KBTBD12: variants seen among roughly 807,000 people sequenced by gnomAD.
The protein encoded by KBTBD12 is kelch repeat and BTB domain-containing protein 12.
In KBTBD12, 53 loss-of-function variants were observed where a neutral mutation model predicts 58.7. The observed-to-expected ratio is 0.90, with a 90% confidence interval of 0.72 to 1.14. The LOEUF (loss-of-function observed/expected upper bound fraction) is 1.14, where lower values mean the gene tolerates loss of function less well. Ranked by LOEUF, KBTBD12 falls within the 50% of genes most tolerant of loss-of-function variation. The pLI is 0.00. For missense variants in KBTBD12, 704 were observed against 751.3 expected (o/e 0.94, Z 0.74); for synonymous variants, 236 against 259.8 (o/e 0.91, Z 0.88).
chr3:127,927,032 T>C (rs980555621), intron 2 of KBTBD12, among the ~76,000 whole-genome samples: 1 of 152,114 alleles, frequency 6.6e-6, no homozygotes, highest in Non-Finnish European at 1.5e-5. Flanking sequence ...CAATGCCCCA[T>C]CACACACATA....
intron 4 of KBTBD12, among the ~76,000 whole-genome samples, chr3:127,951,605 C>G (rs1940204780): frequency 6.6e-6 from 1 of 152,160 alleles, no homozygotes; most frequent in Non-Finnish European, 1.5e-5. Flanking sequence ...CTTGTCATGG[C>G]TCGGGAACAA....
At chr3:127,941,683 C>T (rs889744379) in intron 4 of KBTBD12, among the ~76,000 whole-genome samples, 14 of 152,274 alleles carry the variant, frequency 9.2e-5, no homozygotes, top group African/African-American at 9.6e-5. Flanking sequence ...ATCTCCCAGA[C>T]GGAATCTTTC....
chr3:127,975,234 C>G (rs115671261), intron 5 of KBTBD12, among the ~76,000 whole-genome samples: 2,345 of 152,214 alleles, frequency 0.015, 52 homozygotes, highest in African/African-American at 0.052. Flanking sequence ...AGTTGTCTCA[C>G]CCAAAGGGTG....
chr3:127,982,589 G>A (rs185618036), intron 5 of KBTBD12, among the ~76,000 whole-genome samples: 4 of 152,298 alleles, frequency 2.6e-5, no homozygotes, highest in African/African-American at 9.6e-5. Flanking sequence ...GGATCTGTGA[G>A]GATAAGAAAA....
chr3:127,915,237 G>A lies in KBTBD12; in HGVS notation c.-462G>A, dbSNP rs1254174418. ...GCGTTCCGCGGGGGACGCTCAGTAG[G>A]GTACGGGACGCGCGCGGGGAGACCC... On this transcript the variant is annotated 5_prime_UTR_variant, in exon 1 of 6. Coordinates refer to ENST00000405109, the MANE Select transcript of KBTBD12 (RefSeq NM_207335.4). The A allele has an allele frequency of 6.6e-6, 1 of 152,254 alleles. No individual in the cohort carries two copies. The highest frequency in any genetic ancestry group is 2.4e-5 in the African/African-American group (1 of 41,452). 9.4% of individuals were successfully genotyped at this position (152,254 alleles called of 1,614,324 possible).
intron 4 of KBTBD12, among the ~76,000 whole-genome samples, chr3:127,938,072 G>A (rs1486889013): frequency 6.6e-6 from 1 of 152,088 alleles, no homozygotes; most frequent in African/African-American, 2.4e-5. Context: ...AGCAAAAAAT[G>A]TGATCCCAGA....
intron 5 of KBTBD12, among the ~76,000 whole-genome samples, chr3:127,971,298 G>T (rs770109957): frequency 5.9e-5 from 9 of 152,176 alleles, no homozygotes; most frequent in Admixed American, 1.3e-4. Flanking sequence ...GACCCTGTGG[G>T]CTTGGACAGA....
Position 127,985,021 on chromosome 3 carries a change from G to C in KBTBD12, c.*743G>C, listed in dbSNP as rs893389773. ...ACTCAAGCCAGACCACAGTGGCCAAGAATCCTGCCCTGGGCTGACTCTGTC... is the reference window on the plus strand; with the variant it reads ...ACTCAAGCCAGACCACAGTGGCCAACAATCCTGCCCTGGGCTGACTCTGTC... On this transcript the variant is annotated 3_prime_UTR_variant, in exon 6 of 6. Transcript: ENST00000405109. 6.6e-6 allele frequency: 1 copy of C among 152,386 alleles called. No individual in the cohort carries two copies. Among genetic ancestry groups the C allele is most frequent in the African/African-American group, 2.4e-5 (1 of 41,462 alleles). 9.4% of individuals were successfully genotyped at this position (152,386 alleles called of 1,614,324 possible).
Position 127,922,938 on chromosome 3 carries a change from T to C in KBTBD12, c.-112-12T>C. 1 of 614,262 alleles carries C rather than the reference T, an allele frequency of 1.6e-6. No individual in the cohort carries two copies. The allele number at this position is 614,262 out of a possible 1,614,324, so 38.1% of individuals were successfully genotyped here. A position where few individuals can be genotyped will look rare whatever the true frequency, so the allele number is the denominator to read the frequency against. On this transcript the variant is annotated splice_polypyrimidine_tract_variant and intron_variant, in intron 1 of 5. Coordinates refer to ENST00000405109, the MANE Select transcript of KBTBD12 (RefSeq NM_207335.4). ...TTTCTTAGAAGGAAACTGCCTTTTT[T>C]CTTTCCCTTAGAAATGTTTCCTGAC... is the stretch of plus-strand genomic sequence containing the variant.
chr3:127,919,785 A>AAT (rs137987579), intron 1 of KBTBD12, among the ~76,000 whole-genome samples: 2,568 of 150,776 alleles, frequency 0.017, 61 homozygotes, highest in African/African-American at 0.056. Flanking sequence ...CTCTCTCTCT[A>AAT]ATATATATAT....
chr3:127,921,775 C>T (rs926189987), intron 1 of KBTBD12, among the ~76,000 whole-genome samples: 2 of 152,078 alleles, frequency 1.3e-5, no homozygotes, highest in Non-Finnish European at 2.9e-5. Flanking sequence ...CAAACTGCAT[C>T]CAAGCAAAAT....
At chr3:127,944,820 T>A (rs962530117) in intron 4 of KBTBD12, among the ~76,000 whole-genome samples, 2 of 152,174 alleles carry the variant, frequency 1.3e-5, no homozygotes, top group Non-Finnish European at 2.9e-5. Context: ...AAATGGCCTT[T>A]ACTGTACTGG....
intron 1 of KBTBD12, among the ~76,000 whole-genome samples, chr3:127,921,365 T>C (rs1457808027): frequency 6.6e-6 from 1 of 152,162 alleles, no homozygotes; most frequent in Non-Finnish European, 1.5e-5. Flanking sequence ...CATTTATTGA[T>C]CATTTGGATG....
At chr3:127,970,082 G>C (rs1186275924) in intron 5 of KBTBD12, among the ~76,000 whole-genome samples, 1 of 152,122 alleles carries the variant, frequency 6.6e-6, no homozygotes, top group Non-Finnish European at 1.5e-5. Flanking sequence ...AATACATTAA[G>C]AAATCTTATA....
intron 1 of KBTBD12, among the ~76,000 whole-genome samples, chr3:127,921,540 T>C (rs1275174484): frequency 6.6e-6 from 1 of 152,094 alleles, no homozygotes; most frequent in Non-Finnish European, 1.5e-5. Flanking sequence ...CTGAGAATGT[T>C]TTTTTGAGGT....
At chr3:127,934,325 G>A (rs1177540178) in intron 4 of KBTBD12, among the ~76,000 whole-genome samples, 1 of 152,094 alleles carries the variant, frequency 6.6e-6, no homozygotes. Flanking sequence ...ATGCCCTGAA[G>A]GGGCTCAGGA....
At position 127,920,300 on chromosome 3, in the gene KBTBD12, G is replaced by T. The variant is rs1939367238; in HGVS notation, c.-112-2650G>T. Among the ~76,000 whole-genome samples, 3 of 151,874 alleles carry T rather than the reference G, an allele frequency of 2.0e-5. No homozygotes were observed. The South Asian group carries it at 6.3e-4, about 32-fold the overall frequency. ...TGCTTTGCATATTAGAAATATATCA[G>T]TGGTATGTGGCATGTATATTCTACA... is the stretch of plus-strand genomic sequence containing the variant. On this transcript the variant is annotated intron_variant, in intron 1 of 5. Coordinates refer to ENST00000405109, the MANE Select transcript of KBTBD12 (RefSeq NM_207335.4).
At chr3:127,948,686 C>G (rs115162262) in intron 4 of KBTBD12, among the ~76,000 whole-genome samples, 5,820 of 152,274 alleles carry the variant, frequency 0.038, 156 homozygotes, top group South Asian at 0.082. Flanking sequence ...ACCGGGAAAG[C>G]CTCCAGCTCT....
chr3:127,927,946 G>C lies in KBTBD12; in HGVS notation c.1253G>C (p.Arg418Thr). The C allele has an allele frequency of 6.2e-7, 1 of 1,613,308 alleles. No homozygotes were observed. Among genetic ancestry groups the C allele is most frequent in the East Asian group, 2.2e-5 (1 of 44,858 alleles). ...TCTGTAGAACGGGACAATTGGAAAA[G>C]GGTGTCTCCCCTTCCACTGCAATTG... ...KYSVERDNWK[R>T]VSPLPLQLAC... The change falls in exon 3 of 6, where the codon AGG becomes ACG. Residue 418 changes from arginine to threonine, a missense_variant. Coordinates refer to ENST00000405109, the MANE Select transcript of KBTBD12 (RefSeq NM_207335.4).
Sources: gnomAD v4.1 joint callset for allele counts (sites outside exome capture counted in the v4.1 genomes callset) on GRCh38, gnomAD v4.1.1 for gene constraint, MANE v1.5 for transcripts, NCBI Gene and HGNC (gene_info 2026-07-23, HGNC 2026-07-21) for gene names.